The following CR1 variants were observed in gnomAD, a reference collection of about 807,000 sequenced individuals.
CR1 encodes complement receptor type 1.
A neutral mutation model predicts 187.3 loss-of-function variants in CR1; 116 were observed. The observed-to-expected ratio is 0.62, with a 90% confidence interval of 0.53 to 0.72. The LOEUF (loss-of-function observed/expected upper bound fraction) is 0.72. CR1 is among the 30% of genes least tolerant of loss of function. The probability of loss-of-function intolerance (pLI) is 0.00; values close to 1 mark genes in which losing one functional copy is unlikely to be tolerated. For synonymous variants in CR1, 576 were observed against 747.1 expected (o/e 0.77, Z 3.73); for missense variants, 1,731 against 2,110.7 (o/e 0.82, Z 3.52).
At chr1:207,577,170 G>A (rs747128086) in intron 28 of CR1, among the ~76,000 whole-genome samples, 10 of 151,862 alleles carry the variant, frequency 6.6e-5, no homozygotes, top group Non-Finnish European at 1.3e-4. Flanking sequence ...AAAATCGCTT[G>A]AACCTGGGAG....
At chr1:207,502,894 G>C (rs1282101374) in intron 1 of CR1, among the ~76,000 whole-genome samples, 1 of 152,182 alleles carries the variant, frequency 6.6e-6, no homozygotes, top group Non-Finnish European at 1.5e-5. Context: ...AGAAGTCCCA[G>C]GCTGAATCCG....
chr1:207,584,288 A>T (rs1307187270), intron 32 of CR1, among the ~76,000 whole-genome samples: 1 of 152,242 alleles, frequency 6.6e-6, no homozygotes, highest in Admixed American at 6.5e-5. Context: ...AGTACTTGAC[A>T]TACAGCAGAT....
intron 36 of CR1, among the ~76,000 whole-genome samples, chr1:207,607,973 G>T (rs1399719655): frequency 1.3e-5 from 2 of 152,192 alleles, no homozygotes; most frequent in Non-Finnish European, 2.9e-5. Context: ...GGCAGCAAAA[G>T]TAGGCACAGA....
intron 35 of CR1, 76 bp downstream of exon 35, chr1:207,588,850 C>T (rs1661187966): frequency 1.0e-6 from 1 of 969,342 alleles, no homozygotes; most frequent in Non-Finnish European, 1.6e-6. Context: ...CTCAGATAGA[C>T]AAACTAAACT....
intron 3 of CR1, chr1:207,507,743 A>T (rs1659487587): frequency 6.6e-6 from 1 of 152,146 alleles, no homozygotes; most frequent in Non-Finnish European, 1.5e-5. Context: ...ACATACTCTT[A>T]CCATGTTATC....
intron 24 of CR1, 103 bp downstream of exon 24, chr1:207,566,026 A>AT: frequency 6.9e-7 from 1 of 1,447,572 alleles, no homozygotes; most frequent in Non-Finnish European, 9.5e-7. Flanking sequence ...TCTAGTCTTA[A>AT]TTATCGATTT....
rs954333298 is a variant in CR1, at chr1:207,640,222, C to T, written c.*813C>T. 6.6e-6 allele frequency: 1 copy of T among 152,152 alleles called. No individual in the cohort carries two copies. Among genetic ancestry groups the T allele is most frequent in the Non-Finnish European group, 1.5e-5 (1 of 68,064 alleles). 9.4% of individuals were successfully genotyped at this position (152,152 alleles called of 1,614,324 possible). A position where few individuals can be genotyped will look rare whatever the true frequency, so the allele number is the denominator to read the frequency against. ...CAAGCTCCGCCTCCCGGGTTGACAC[C>T]ATTTTCCTGCCTCAGCCTCCTGAGT... On this transcript the variant is annotated 3_prime_UTR_variant, in exon 47 of 47. Transcript: ENST00000367049.
intron 29 of CR1, among the ~76,000 whole-genome samples, chr1:207,578,757 G>A (rs1660846113): frequency 1.3e-5 from 2 of 152,238 alleles, no homozygotes; most frequent in South Asian, 2.1e-4. Context: ...ATCCATTGCT[G>A]AAAGAAAGAG....
At chr1:207,616,399 T>G (rs1662096478) in intron 40 of CR1, among the ~76,000 whole-genome samples, 176 bp from the exon 41 acceptor site, 1 of 152,188 alleles carries the variant, frequency 6.6e-6, no homozygotes, top group Non-Finnish European at 1.5e-5. Flanking sequence ...GTAATTTAGG[T>G]CTCACTTCAG....
intron 41 of CR1, among the ~76,000 whole-genome samples, chr1:207,617,507 ATGTGTGTGTGTGTGTGTGTGTGTGTGTG>A (rs1167357538): frequency 4.3e-5 from 2 of 47,030 alleles, no homozygotes; most frequent in African/African-American, 6.3e-5. Flanking sequence ...ATATATATAT[ATGTGTGTGTGTGTGTGTGTGTGTGTGTG>A]TGTATGTGTG....
chr1:207,588,378 C>G (rs1405697515), intron 34 of CR1, among the ~76,000 whole-genome samples: 2 of 152,136 alleles, frequency 1.3e-5, no homozygotes, highest in African/African-American at 4.8e-5. Context: ...GCCACGTTGG[C>G]CAGGCTGGTC....
At chr1:207,526,550 C>T (rs1429425762) in intron 5 of CR1, among the ~76,000 whole-genome samples, 1 of 151,416 alleles carries the variant, frequency 6.6e-6, no homozygotes, top group Non-Finnish European at 1.5e-5. Context: ...CTGTTTTAGT[C>T]ACAGTTGTGC....
intron 33 of CR1, among the ~76,000 whole-genome samples, chr1:207,586,944 G>T (rs1661128603): frequency 6.6e-6 from 1 of 152,150 alleles, no homozygotes; most frequent in Admixed American, 6.6e-5. Context: ...CTCACTACAA[G>T]GGGTACCTGC....
intron 27 of CR1, among the ~76,000 whole-genome samples, chr1:207,572,980 G>T (rs1571543550): frequency 6.6e-6 from 1 of 152,100 alleles, no homozygotes; most frequent in East Asian, 1.9e-4. Context: ...CTGGATTAGG[G>T]CCTACTTTCA....
At chr1:207,501,107 A>G (rs1312056375) in intron 1 of CR1, among the ~76,000 whole-genome samples, 3 of 152,246 alleles carry the variant, frequency 2.0e-5, no homozygotes, top group Non-Finnish European at 4.4e-5. Context: ...GTAGTAAGAG[A>G]AAACCACCTG....
intron 40 of CR1, 26 bp from the exon 41 acceptor site, chr1:207,616,549 A>C: frequency 1.2e-6 from 2 of 1,609,220 alleles, no homozygotes; most frequent in Middle Eastern, 1.7e-4. Flanking sequence ...TTCTAATAGA[A>C]CTTAAAGCTC....
intron 3 of CR1, among the ~76,000 whole-genome samples, chr1:207,509,685 C>T (rs575363142): frequency 7.9e-5 from 12 of 152,258 alleles, no homozygotes; most frequent in African/African-American, 2.9e-4. Flanking sequence ...CCTATCCCAA[C>T]CCCCATGATT....
chr1:207,568,057 C>T lies in CR1; in HGVS notation c.4171+15C>T, dbSNP rs1230534747. The stretch of plus-strand genomic sequence containing the variant: ...TGGAATTCTGGGTTAGTGCTCATTT[C>T]CCCACATCCCTAATGGGTTCAGAAT... On this transcript the variant is annotated intron_variant, in intron 25 of 46. Coordinates refer to ENST00000367049, the MANE Select transcript of CR1 (RefSeq NM_000651.6). 4.3e-6 allele frequency: 7 copies of T among 1,610,706 alleles called. No individual in the cohort carries two copies. The highest frequency in any genetic ancestry group is 2.8e-5 in the African/African-American group (2 of 72,214).
At chr1:207,611,032 C>A (rs1661913075) in intron 37 of CR1, among the ~76,000 whole-genome samples, 1 of 151,910 alleles carries the variant, frequency 6.6e-6, no homozygotes, top group Admixed American at 6.6e-5. Context: ...CTTATTCATT[C>A]TTTCTTTTTT....
Sources: allele counts gnomAD v4.1 joint callset (sites outside exome capture counted in the v4.1 genomes callset), GRCh38; gene constraint gnomAD v4.1.1; transcripts MANE v1.5; gene names NCBI Gene and HGNC (gene_info 2026-07-23, HGNC 2026-07-21).